Variants in TDRD10 observed in about 807,000 individuals in gnomAD.
TDRD10 encodes the protein tudor domain containing 10.
A neutral mutation model predicts 48.0 loss-of-function variants in TDRD10; 40 were observed. The ratio of observed to expected loss-of-function variants is 0.83; its 90% CI spans 0.65 to 1.09. The LOEUF is 1.09. Among genes scored for constraint, TDRD10 ranks in the 50% least tolerant of loss-of-function variants. The pLI is 0.00. For missense variants in TDRD10, 378 were observed against 434.7 expected (o/e 0.87, Z 1.16); for synonymous variants, 162 against 170.4 (o/e 0.95, Z 0.38).
At chr1:154,545,349 C>T (rs190118322) in intron 11 of TDRD10, among the ~76,000 whole-genome samples, 2 of 152,190 alleles carry the variant, frequency 1.3e-5, no homozygotes, top group African/African-American at 4.8e-5. Flanking sequence ...CAGTGCTAGA[C>T]GCCAGAGCAC....
chr1:154,542,878 C>T (rs1695323559), intron 8 of TDRD10, 57 bp downstream of exon 8: 10 of 1,444,900 alleles, frequency 6.9e-6, no homozygotes, highest in Admixed American at 3.4e-5. Context: ...CATCCTCTGT[C>T]CCCCAGAGAG....
chr1:154,546,354 G>A (rs1407057540), intron 11 of TDRD10, among the ~76,000 whole-genome samples: 1 of 147,434 alleles, frequency 6.8e-6, no homozygotes, highest in South Asian at 2.1e-4. Flanking sequence ...TTACAGGTGC[G>A]AGCCACCGCA....
At chr1:154,521,019 A>G (rs189528565) in intron 5 of TDRD10, among the ~76,000 whole-genome samples, 1 of 152,278 alleles carries the variant, frequency 6.6e-6, no homozygotes, top group Admixed American at 6.5e-5. Context: ...GATTGCAGAT[A>G]TGAGCCACCA....
chr1:154,515,109 C>G (rs984213024), intron 4 of TDRD10, among the ~76,000 whole-genome samples: 13 of 152,032 alleles, frequency 8.6e-5, no homozygotes, highest in African/African-American at 3.1e-4. Context: ...CTCAAATGAT[C>G]CACCCACCTC....
chr1:154,529,130 A>G (rs991216556), intron 6 of TDRD10, among the ~76,000 whole-genome samples: 3 of 152,040 alleles, frequency 2.0e-5, no homozygotes, highest in African/African-American at 7.2e-5. Context: ...CCCAGGCTGG[A>G]GTGCAGTGGC....
intron 6 of TDRD10, among the ~76,000 whole-genome samples, chr1:154,526,524 G>C (rs1019319145): frequency 6.6e-6 from 1 of 150,936 alleles, no homozygotes; most frequent in Non-Finnish European, 1.5e-5. Flanking sequence ...GTTCAAATGA[G>C]AGCTTACTGC....
At chr1:154,505,818 CATAAAA>C (rs2149308814) in intron 1 of TDRD10, among the ~76,000 whole-genome samples, 1 of 152,190 alleles carries the variant, frequency 6.6e-6, no homozygotes, top group East Asian at 1.9e-4. Context: ...CCATAAAATC[CATAAAA>C]ATAAACACAA....
intron 6 of TDRD10, among the ~76,000 whole-genome samples, chr1:154,527,397 A>G (rs1304578928): frequency 6.6e-6 from 1 of 151,098 alleles, no homozygotes; most frequent in African/African-American, 2.4e-5. Context: ...AAGGATACAC[A>G]CTTCAGTAAA....
chr1:154,532,357 G>A (rs1303511019), intron 6 of TDRD10, among the ~76,000 whole-genome samples: 10 of 152,114 alleles, frequency 6.6e-5, no homozygotes, highest in Admixed American at 1.3e-4. Flanking sequence ...CTCACTGCCC[G>A]GGGCCGCTCT....
chr1:154,507,059 G>A, intron 2 of TDRD10, 154 bp downstream of exon 2: 1 of 985,356 alleles, frequency 1.0e-6, no homozygotes, highest in Non-Finnish European at 1.2e-6. Context: ...AACTTTTAGT[G>A]ATTTAAAAGG....
intron 6 of TDRD10, among the ~76,000 whole-genome samples, chr1:154,529,299 C>G (rs1190447355): frequency 2.0e-5 from 3 of 152,144 alleles, no homozygotes; most frequent in Non-Finnish European, 2.9e-5. Flanking sequence ...GTCTCAAACT[C>G]CTGACCTCAG....
In TDRD10 at chr1:154,547,811, GA is replaced by G; in HGVS notation, c.*106del. 2.1e-6 allele frequency: 3 copies of G among 1,441,954 alleles called. No individual in the cohort carries two copies. The highest frequency in any genetic ancestry group is 2.9e-6 in the Non-Finnish European group (3 of 1,031,832). The allele number at this position is 1,441,954 out of a possible 1,614,324, so 89.3% of individuals were successfully genotyped here. On this transcript the variant is annotated 3_prime_UTR_variant, in exon 13 of 13. Coordinates refer to ENST00000368482, the MANE Select transcript of TDRD10 (RefSeq NM_182499.4). ...CTTTCACTCTTGAGGCCTGGGAGGTGAAAAAGGCCAGACTGTGCCCAGGATT... is the reference window on the plus strand; with the variant it reads ...CTTTCACTCTTGAGGCCTGGGAGGTGAAAAGGCCAGACTGTGCCCAGGATT...
At chr1:154,517,491 G>A (rs191390145) in intron 4 of TDRD10, among the ~76,000 whole-genome samples, 11 of 149,276 alleles carry the variant, frequency 7.4e-5, no homozygotes, top group Admixed American at 3.4e-4. Context: ...GTGCGATCTC[G>A]GCTCACTGCA....
At chr1:154,540,215 T>G (rs1287158959) in intron 6 of TDRD10, among the ~76,000 whole-genome samples, 1 of 152,190 alleles carries the variant, frequency 6.6e-6, no homozygotes, top group East Asian at 1.9e-4. Context: ...GCTGTCACTG[T>G]TATTCTGGTA....
intron 6 of TDRD10, among the ~76,000 whole-genome samples, chr1:154,532,624 C>T (rs908235497): frequency 3.9e-5 from 6 of 152,136 alleles, no homozygotes; most frequent in Non-Finnish European, 5.9e-5. Context: ...GCTGCCAGCA[C>T]GCTGTCGCCT....
chr1:154,513,616 C>G (rs929106436), intron 4 of TDRD10, among the ~76,000 whole-genome samples: 2 of 152,060 alleles, frequency 1.3e-5, no homozygotes, highest in Admixed American at 6.6e-5. Flanking sequence ...AATGAGATAA[C>G]CAGATATGAG....
At chr1:154,508,030 A>G (rs989051767) in intron 3 of TDRD10, among the ~76,000 whole-genome samples, 2 of 152,150 alleles carry the variant, frequency 1.3e-5, no homozygotes, top group South Asian at 2.1e-4. Flanking sequence ...TGGTGTGCCC[A>G]TGGCTCTAGG....
intron 6 of TDRD10, among the ~76,000 whole-genome samples, chr1:154,537,273 C>T (rs1161955600): frequency 6.6e-6 from 1 of 152,182 alleles, no homozygotes; most frequent in Non-Finnish European, 1.5e-5. Flanking sequence ...CATTATTCCT[C>T]TTTGTATACT....
At chr1:154,516,236 G>A (rs1445581553) in intron 4 of TDRD10, among the ~76,000 whole-genome samples, 5 of 152,212 alleles carry the variant, frequency 3.3e-5, no homozygotes. Context: ...CAGGAGGGGT[G>A]TATGGGGTCC....
Sources: allele counts gnomAD v4.1 joint callset (sites outside exome capture counted in the v4.1 genomes callset), GRCh38; gene constraint gnomAD v4.1.1; transcripts MANE v1.5; gene names NCBI Gene and HGNC (gene_info 2026-07-23, HGNC 2026-07-21).